Variants in ADGRL3 observed in about 807,000 individuals in gnomAD.
ADGRL3 encodes the protein adhesion G protein-coupled receptor L3, also known as calcium-independent alpha-latrotoxin receptor 3.
ADGRL3 carries 62 observed loss-of-function variants against 153.5 expected under a neutral mutation model. The ratio of observed to expected loss-of-function variants is 0.40; its 90% confidence interval spans 0.33 to 0.50. The LOEUF (loss-of-function observed/expected upper bound fraction) is 0.50, where lower values mean the gene tolerates loss of function less well. Ranked by LOEUF, ADGRL3 falls within the 20% of genes least tolerant of loss-of-function variation. The pLI is 0.47. For missense variants in ADGRL3, 1,641 were observed against 1,859.4 expected (o/e 0.88, Z 2.16); for synonymous variants, 710 against 672.5 (o/e 1.06, Z -0.86).
chr4:61,885,061 G>A (rs2098530153), intron 9 of ADGRL3, among the ~76,000 whole-genome samples: 1 of 151,886 alleles, frequency 6.6e-6, no homozygotes, highest in Non-Finnish European at 1.5e-5. Context: ...TGGATCACTT[G>A]AGGTCAGGAG....
At chr4:61,626,519 A>T (rs2092839558) in intron 5 of ADGRL3, among the ~76,000 whole-genome samples, 1 of 152,052 alleles carries the variant, frequency 6.6e-6, no homozygotes, top group Non-Finnish European at 1.5e-5. Flanking sequence ...CTCAAGAGGG[A>T]TGAAGCACAA....
At chr4:61,299,084 A>T (rs1192894198) in intron 1 of ADGRL3, among the ~76,000 whole-genome samples, 1 of 152,178 alleles carries the variant, frequency 6.6e-6, no homozygotes, top group Non-Finnish European at 1.5e-5. Context: ...TCTGTGATTA[A>T]ATTAGAAAAT....
At chr4:61,265,261 C>G (rs1323428103) in intron 1 of ADGRL3, among the ~76,000 whole-genome samples, 1 of 151,858 alleles carries the variant, frequency 6.6e-6, no homozygotes, top group Non-Finnish European at 1.5e-5. Context: ...GGTTTCAATA[C>G]GTGAAGCTTT....
At chr4:61,786,418 T>G (rs1236026957) in intron 8 of ADGRL3, among the ~76,000 whole-genome samples, 1 of 152,076 alleles carries the variant, frequency 6.6e-6, no homozygotes, top group Non-Finnish European at 1.5e-5. Flanking sequence ...ACCTTCCCAC[T>G]GGGGACAGAC....
intron 21 of ADGRL3, among the ~76,000 whole-genome samples, chr4:62,013,743 C>G (rs894080872): frequency 1.3e-5 from 2 of 151,854 alleles, no homozygotes; most frequent in African/African-American, 4.8e-5. Flanking sequence ...CAAAAATTAG[C>G]TGGGCATGGT....
intron 1 of ADGRL3, among the ~76,000 whole-genome samples, chr4:61,360,575 G>A (rs934394943): frequency 6.6e-6 from 1 of 152,058 alleles, no homozygotes; most frequent in Admixed American, 6.5e-5. Flanking sequence ...ATCTTTCATG[G>A]TAGTTTAAAA....
intron 1 of ADGRL3, among the ~76,000 whole-genome samples, chr4:61,257,884 C>A (rs2092139985): frequency 6.6e-6 from 1 of 151,896 alleles, no homozygotes; most frequent in South Asian, 2.1e-4. Flanking sequence ...CGCACGCGCA[C>A]ACCCCATGCT....
At chr4:61,979,223 T>G (rs2099058883) in intron 17 of ADGRL3, among the ~76,000 whole-genome samples, 1 of 152,210 alleles carries the variant, frequency 6.6e-6, no homozygotes, top group Non-Finnish European at 1.5e-5. Context: ...TCTAAAAAAG[T>G]GATATAAATT....
intron 6 of ADGRL3, among the ~76,000 whole-genome samples, chr4:61,688,666 A>G (rs1269059198): frequency 1.3e-5 from 2 of 152,096 alleles, no homozygotes; most frequent in African/African-American, 4.8e-5. Context: ...GAATTATGTA[A>G]TCCACCTAAT....
intron 1 of ADGRL3, among the ~76,000 whole-genome samples, chr4:61,355,093 T>A (rs2096137462): frequency 6.6e-6 from 1 of 152,080 alleles, no homozygotes; most frequent in African/African-American, 2.4e-5. Context: ...TAAGGCCAGT[T>A]CCTTAACTCT....
intron 4 of ADGRL3, among the ~76,000 whole-genome samples, chr4:61,522,500 C>G (rs1327189107): frequency 1.3e-5 from 2 of 152,048 alleles, no homozygotes; most frequent in East Asian, 3.8e-4. Context: ...GATCCAAGAC[C>G]ACAATTGCCA....
intron 9 of ADGRL3, among the ~76,000 whole-genome samples, chr4:61,875,021 G>C (rs1219409456): frequency 6.6e-6 from 1 of 150,950 alleles, no homozygotes; most frequent in African/African-American, 2.4e-5. Context: ...TGTTAGTCAG[G>C]ATGGTCTCGA....
chr4:61,558,540 A>T (rs1226499432), intron 4 of ADGRL3, among the ~76,000 whole-genome samples: 1 of 151,896 alleles, frequency 6.6e-6, no homozygotes, highest in Non-Finnish European at 1.5e-5. Context: ...CTTTTTATCT[A>T]TCTAGATCTC....
chr4:61,497,961 G>A (rs2098339890), intron 3 of ADGRL3, among the ~76,000 whole-genome samples: 1 of 151,910 alleles, frequency 6.6e-6, no homozygotes, highest in Admixed American at 6.6e-5. Context: ...CTACACTTTT[G>A]GAAAATCAGC....
chr4:61,665,272 A>G (rs749577816), intron 5 of ADGRL3, among the ~76,000 whole-genome samples: 2 of 152,108 alleles, frequency 1.3e-5, no homozygotes, highest in Non-Finnish European at 2.9e-5. Flanking sequence ...TTAGCTGGAC[A>G]TGGTGGCGGA....
chr4:61,874,928 C>T (rs867724127), intron 9 of ADGRL3, among the ~76,000 whole-genome samples: 45 of 150,410 alleles, frequency 3.0e-4, no homozygotes, highest in South Asian at 4.2e-4. Context: ...CCTGCCTCAG[C>T]CTCCCGAGTA....
intron 3 of ADGRL3, among the ~76,000 whole-genome samples, chr4:61,504,318 C>T (rs1157668960): frequency 6.6e-6 from 1 of 151,988 alleles, no homozygotes; most frequent in Non-Finnish European, 1.5e-5. Flanking sequence ...GTATTTGATT[C>T]CTCAAAGTAG....
intron 16 of ADGRL3, among the ~76,000 whole-genome samples, chr4:61,947,657 A>G: frequency 6.6e-6 from 1 of 152,196 alleles, no homozygotes; most frequent in East Asian, 1.9e-4. Context: ...CATTAAACAG[A>G]ACTAGAGATG....
At chr4:61,426,529 A>G (rs1044448104) in intron 2 of ADGRL3, among the ~76,000 whole-genome samples, 4 of 151,874 alleles carry the variant, frequency 2.6e-5, no homozygotes, top group Non-Finnish European at 4.4e-5. Context: ...CCGTCTATGT[A>G]TGCAGCCTTG....
Sources: allele counts gnomAD v4.1 joint callset (sites outside exome capture counted in the v4.1 genomes callset), GRCh38; gene constraint gnomAD v4.1.1; transcripts MANE v1.5; gene names NCBI Gene and HGNC (gene_info 2026-07-23, HGNC 2026-07-21).